MAP9: variants seen among roughly 807,000 people sequenced by gnomAD.
MAP9 encodes the protein microtubule associated protein 9, also known as microtubule-associated protein 9.
In MAP9, 80 loss-of-function variants were observed where a neutral mutation model predicts 75.2. The ratio of observed to expected loss-of-function variants is 1.06; its 90% CI spans 0.89 to 1.28. The LOEUF is 1.28. Ranked by LOEUF, MAP9 falls within the 50% of genes most tolerant of loss-of-function variation. The pLI is 0.00. For missense variants in MAP9, 753 were observed against 719.9 expected, an observed-to-expected ratio of 1.05 and a Z score of -0.53; for synonymous variants, 235 against 237.3, an observed-to-expected ratio of 0.99 and a Z score of 0.09.
At chr4:155,359,541 T>TA (rs1731971072) in intron 7 of MAP9, among the ~76,000 whole-genome samples, 1 of 151,974 alleles carries the variant, frequency 6.6e-6, no homozygotes, top group African/African-American at 2.4e-5. Flanking sequence ...TATATCCATG[T>TA]AACAAAAAAG....
chr4:155,375,033 T>A lies in MAP9; in HGVS notation c.76-12A>T. The A allele has an allele frequency of 6.5e-7, 1 of 1,541,038 alleles. No homozygotes were observed. The highest frequency in any genetic ancestry group is 8.9e-7 in the Non-Finnish European group (1 of 1,127,954). ...CTTATTAGCTCATCCTGAAATGAGA[T>A]ACTGAAATCAATTTCCATCCAAACA... On this transcript the variant is annotated splice_polypyrimidine_tract_variant and intron_variant, in intron 2 of 13. Transcript: ENST00000311277.
Position 155,353,060 on chromosome 4 carries a change from G to T in MAP9, c.1543-3C>A. 6.5e-7 allele frequency: 1 copy of T among 1,537,210 alleles called. No individual in the cohort carries two copies. The stretch of plus-strand genomic sequence containing the variant: ...TTCTCTTTCCATTTTTCAAAAGCCT[G>T]AAAAAGTTCAGAATAATTTTCTTAC... On this transcript the variant is annotated splice_region_variant and splice_polypyrimidine_tract_variant and intron_variant, in intron 11 of 13. Coordinates refer to ENST00000311277, the MANE Select transcript of MAP9 (RefSeq NM_001039580.2).
In MAP9 at chr4:155,368,576, T is replaced by G; in HGVS notation, c.708+10A>C. 1.3e-6 allele frequency: 2 copies of G among 1,584,148 alleles called. No individual in the cohort carries two copies. The highest frequency in any genetic ancestry group is 1.7e-6 in the Non-Finnish European group (2 of 1,152,644). ...AGAACACAATTCAACAGTTTAGTGG[T>G]AGTGCTAACCTCAGGATCAAGGTTT... On this transcript the variant is annotated intron_variant, in intron 5 of 13. Transcript: ENST00000311277.
Position 155,344,547 on chromosome 4 carries a change from C to T in MAP9, c.*3236G>A, listed in dbSNP as rs529980153. On this transcript the variant is annotated 3_prime_UTR_variant, in exon 14 of 14. Transcript: ENST00000311277. ...TCTAAGGAACATAAGACTGTGGATA[C>T]CTATCTACTGTCAGGTACTGCTTTG... 1 of 152,042 alleles carries T rather than the reference C, an allele frequency of 6.6e-6. No homozygotes were observed. Among genetic ancestry groups the T allele is most frequent in the South Asian group, 2.1e-4 (1 of 4,828 alleles). 9.4% of individuals were successfully genotyped at this position (152,042 alleles called of 1,614,324 possible).
At chr4:155,360,546 TATC>T (rs757037585) in intron 6 of MAP9, 131 bp from the exon 7 acceptor site, 39 of 881,588 alleles carry the variant, frequency 4.4e-5, no homozygotes, top group Middle Eastern at 3.6e-4. Context: ...GAAGAAAAGT[TATC>T]ATATTAAACT....
intron 10 of MAP9, 79 bp from the exon 11 acceptor site, chr4:155,353,419 T>A (rs1408662286): frequency 3.5e-6 from 4 of 1,155,698 alleles, no homozygotes; most frequent in African/African-American, 1.6e-5. Flanking sequence ...GATATAAATA[T>A]ACACATATAC....
rs1158239852 is a variant in MAP9, at chr4:155,352,785, C to T, written c.1689-57G>A. The T allele has an allele frequency of 3.5e-6, 5 of 1,445,570 alleles. No individual in the cohort carries two copies. The East Asian group carries it at 9.3e-5, about 27-fold the overall frequency. The allele number at this position is 1,445,570 out of a possible 1,614,324, so 89.5% of individuals were successfully genotyped here. ...TAAAGGAAAATACATAATAAAGATT[C>T]CCTAGTACATCTTTGACAGTAATGA... On this transcript the variant is annotated intron_variant, in intron 12 of 13. Coordinates refer to ENST00000311277, the MANE Select transcript of MAP9 (RefSeq NM_001039580.2).
chr4:155,368,826 T>A lies in MAP9; in HGVS notation c.482-14A>T. 2 of 1,584,404 alleles carry A rather than the reference T, an allele frequency of 1.3e-6. No homozygotes were observed. Among genetic ancestry groups the A allele is most frequent in the Non-Finnish European group, 1.7e-6 (2 of 1,163,782 alleles). On this transcript the variant is annotated splice_polypyrimidine_tract_variant and intron_variant, in intron 4 of 13. Transcript: ENST00000311277. ...TGTTGTTTTCTGCTGAAAAATAAAA[T>A]GCTTAAAGTGTGTGTATAAAAAAAT...
At chr4:155,352,462 A>T in intron 13 of MAP9, 134 bp downstream of exon 13, 1 of 832,744 alleles carries the variant, frequency 1.2e-6, no homozygotes, top group Non-Finnish European at 1.9e-6. Context: ...GCAGGAGGAG[A>T]GCTTGAATTC....
At chr4:155,350,381 T>G in intron 13 of MAP9, 1 of 285,846 alleles carries the variant, frequency 3.5e-6, no homozygotes, top group Non-Finnish European at 6.8e-6. Context: ...CTTTGAGGAA[T>G]TCTTGTTCTT....
chr4:155,368,843 T>A (rs771437382), intron 4 of MAP9, 31 bp from the exon 5 acceptor site: 2 of 1,549,062 alleles, frequency 1.3e-6, no homozygotes, highest in South Asian at 2.4e-5. Flanking sequence ...AGTGTGTGTA[T>A]AAAAAAATGA....
chr4:155,376,374 A>C (rs1578867902), intron 1 of MAP9: 2 of 152,314 alleles, frequency 1.3e-5, no homozygotes, highest in South Asian at 2.1e-4. Context: ...CGTAATGCTA[A>C]CCCGCAAACA....
rs1732704322 is a variant in MAP9 at position 155,373,613 on chromosome 4, A to T, written c.161-157T>A. ...TAAATAGACTTGCAGCTCTAAAAAC[A>T]CAGCTAACTCAGGCACGTCTCATTA... On this transcript the variant is annotated intron_variant, in intron 3 of 13. Coordinates refer to ENST00000311277, the MANE Select transcript of MAP9 (RefSeq NM_001039580.2). 2.0e-5 allele frequency among the ~76,000 whole-genome samples: 3 copies of T among 152,228 alleles called. No homozygotes were observed. In the East Asian group the frequency reaches 5.8e-4, roughly 29 times the overall value.
At position 155,368,778 on chromosome 4, in the gene MAP9, A is replaced by C; in HGVS notation, c.516T>G (p.Phe172Leu). The part of the protein sequence containing the change: ...ENNSLDTDDH[F>L]KPSPRPRSML... ...TACTCCTTGGCCGAGGTGATGGTTTAAAGTGATCATCTGTGTCAAGGCTGT... is the reference window on the plus strand; with the variant it reads ...TACTCCTTGGCCGAGGTGATGGTTTCAAGTGATCATCTGTGTCAAGGCTGT... Residue 172 changes from phenylalanine (F) to leucine (L), a missense_variant, in exon 5 of 14, where the codon TTT becomes TTG. Phe to Leu is a conservative substitution (Grantham distance 22). Coordinates refer to ENST00000311277, the MANE Select transcript of MAP9 (RefSeq NM_001039580.2). The C allele has an allele frequency of 6.2e-7, 1 of 1,613,346 alleles. No homozygotes were observed. Among genetic ancestry groups the C allele is most frequent in the East Asian group, 2.2e-5 (1 of 44,862 alleles).
chr4:155,369,875 G>A (rs1429822501), intron 4 of MAP9, among the ~76,000 whole-genome samples: 5 of 152,168 alleles, frequency 3.3e-5, no homozygotes, highest in Non-Finnish European at 2.9e-5. Flanking sequence ...GAAACAATGG[G>A]AAGACTTTCC....
intron 13 of MAP9, among the ~76,000 whole-genome samples, chr4:155,351,581 C>G (rs1221970486): frequency 6.6e-6 from 1 of 151,352 alleles, no homozygotes; most frequent in Non-Finnish European, 1.5e-5. Flanking sequence ...AAATGATAGG[C>G]TAATTTCCCC....
chr4:155,364,077 C>T (rs1300498698), intron 5 of MAP9, among the ~76,000 whole-genome samples: 1 of 151,982 alleles, frequency 6.6e-6, no homozygotes, highest in Non-Finnish European at 1.5e-5. Flanking sequence ...ATAAAAACCA[C>T]AATCTTGAGT....
chr4:155,353,756 G>A (rs932590346), intron 10 of MAP9, among the ~76,000 whole-genome samples: 4 of 152,036 alleles, frequency 2.6e-5, no homozygotes, highest in Admixed American at 6.6e-5. Context: ...AAGGCAAATT[G>A]GCCAAGCCAT....
intron 6 of MAP9, among the ~76,000 whole-genome samples, chr4:155,361,637 G>A (rs1732084333): frequency 6.6e-6 from 1 of 151,930 alleles, no homozygotes; most frequent in African/African-American, 2.4e-5. Flanking sequence ...TAGTTACTTT[G>A]CTTATGTAAT....
Sources: gnomAD v4.1 joint callset for allele counts (sites outside exome capture counted in the v4.1 genomes callset) on GRCh38, gnomAD v4.1.1 for gene constraint, MANE v1.5 for transcripts, NCBI Gene and HGNC (gene_info 2026-07-23, HGNC 2026-07-21) for gene names.